UVRAG: variants seen among roughly 807,000 people sequenced by gnomAD.
UVRAG encodes UV radiation resistance-associated gene protein.
Under a neutral mutation model 78.0 loss-of-function variants are expected in UVRAG, and 19 were observed. The observed-to-expected ratio is 0.24, with a 90% CI of 0.17 to 0.36. UVRAG has a LOEUF of 0.36. Ranked by LOEUF, UVRAG falls within the 10% of genes least tolerant of loss-of-function variation. UVRAG has a pLI of 1.00. For synonymous variants in UVRAG, 323 were observed against 324.6 expected (o/e 1.00, Z 0.05); for missense variants, 740 against 853.8 (o/e 0.87, Z 1.66).
chr11:76,119,124 G>T (rs775832014), intron 14 of UVRAG, among the ~76,000 whole-genome samples: 3 of 152,018 alleles, frequency 2.0e-5, no homozygotes, highest in Admixed American at 1.3e-4. Flanking sequence ...GGTGCCTACC[G>T]AATTCTAAAC....
chr11:75,989,255 A>G (rs1949559244), intron 8 of UVRAG, among the ~76,000 whole-genome samples: 1 of 151,974 alleles, frequency 6.6e-6, no homozygotes, highest in South Asian at 2.1e-4. Context: ...TGGTTTCACC[A>G]TGTTGTCCAG....
At chr11:75,987,228 G>C (rs1411186134) in intron 8 of UVRAG, among the ~76,000 whole-genome samples, 1 of 152,092 alleles carries the variant, frequency 6.6e-6, no homozygotes. Flanking sequence ...CAATATATGA[G>C]GGTTCCAATC....
chr11:76,140,146 T>TCTCTCCCTCC (rs1554997784), intron 14 of UVRAG, among the ~76,000 whole-genome samples: 1 of 85,910 alleles, frequency 1.2e-5, no homozygotes, highest in Non-Finnish European at 2.1e-5. Context: ...TCTCTCTCTC[T>TCTCTCCCTCC]CTCCCTCCCT....
At chr11:75,816,115 A>G (rs1043484840) in intron 1 of UVRAG, among the ~76,000 whole-genome samples, 1 of 152,148 alleles carries the variant, frequency 6.6e-6, no homozygotes, top group Non-Finnish European at 1.5e-5. Context: ...AGTCCCAAGG[A>G]ACGCATCTTA....
intron 11 of UVRAG, among the ~76,000 whole-genome samples, chr11:76,014,607 C>G (rs1213536078): frequency 6.6e-6 from 1 of 152,184 alleles, no homozygotes; most frequent in East Asian, 1.9e-4. Flanking sequence ...CTCACAGTTA[C>G]AGCTGTGACT....
At chr11:76,043,566 G>T (rs1279049875) in intron 12 of UVRAG, among the ~76,000 whole-genome samples, 1 of 152,186 alleles carries the variant, frequency 6.6e-6, no homozygotes, top group African/African-American at 2.4e-5. Flanking sequence ...AAATTAGAGT[G>T]TCTCTAGTAG....
At chr11:75,851,795 T>C (rs574699677) in intron 1 of UVRAG, 88 bp from the exon 2 acceptor site, 11 of 977,642 alleles carry the variant, frequency 1.1e-5, no homozygotes, top group East Asian at 7.2e-5. Flanking sequence ...AGACAACTTA[T>C]TACATTTCAT....
intron 1 of UVRAG, among the ~76,000 whole-genome samples, chr11:75,846,011 T>A (rs1946025558): frequency 1.3e-5 from 2 of 152,258 alleles, no homozygotes; most frequent in South Asian, 4.1e-4. Flanking sequence ...TTACTCCGAA[T>A]GTTTTTACTT....
chr11:75,899,021 C>T (rs76486206), intron 5 of UVRAG, among the ~76,000 whole-genome samples: 3,164 of 152,118 alleles, frequency 0.021, 34 homozygotes, highest in Non-Finnish European at 0.032. Flanking sequence ...TATTTCTGCC[C>T]AGGTCTTTTA....
At chr11:75,861,858 T>C (rs556376206) in intron 3 of UVRAG, 78 bp downstream of exon 3, 174 of 1,254,522 alleles carry the variant, frequency 1.4e-4, no homozygotes, top group Non-Finnish European at 1.9e-4. Context: ...GTAAAATAAG[T>C]TGAGGTTCAG....
intron 12 of UVRAG, among the ~76,000 whole-genome samples, chr11:76,060,270 T>C (rs1008649526): frequency 4.6e-5 from 7 of 152,246 alleles, no homozygotes; most frequent in African/African-American, 1.7e-4. Context: ...TTTCTTTTTT[T>C]GGTACTTTAC....
At chr11:75,856,033 A>C (rs1253375207) in intron 2 of UVRAG, among the ~76,000 whole-genome samples, 2 of 152,176 alleles carry the variant, frequency 1.3e-5, no homozygotes, top group Non-Finnish European at 2.9e-5. Flanking sequence ...TCTGTCGCCC[A>C]GGCTGGAGTG....
intron 6 of UVRAG, among the ~76,000 whole-genome samples, chr11:75,928,150 C>T (rs1024516917): frequency 3.9e-5 from 6 of 152,042 alleles, no homozygotes; most frequent in African/African-American, 1.2e-4. Flanking sequence ...GACTGGGCTT[C>T]GGGGTCAACC....
intron 1 of UVRAG, among the ~76,000 whole-genome samples, chr11:75,845,669 A>C (rs1326241799): frequency 6.6e-6 from 1 of 152,170 alleles, no homozygotes; most frequent in Non-Finnish European, 1.5e-5. Flanking sequence ...CATGGACACA[A>C]AGAAGGGAAC....
Position 75,815,285 on chromosome 11 carries a change from G to C in UVRAG, c.-123G>C. On this transcript the variant is annotated 5_prime_UTR_variant, in exon 1 of 15. Transcript: ENST00000356136. ...AGCGGCGGCGGCTACTGTCTGGGCT[G>C]AGCAGTAGTGCCTCTCGGGTGGCGG... is the stretch of plus-strand genomic sequence containing the variant. 1 of 510,246 alleles carries C rather than the reference G, an allele frequency of 2.0e-6. No individual in the cohort carries two copies. Among genetic ancestry groups the C allele is most frequent in the Non-Finnish European group, 3.2e-6 (1 of 317,220 alleles). The allele number at this position is 510,246 out of a possible 1,614,324, so 31.6% of individuals were successfully genotyped here.
At chr11:75,876,695 G>GAAAA (rs71036069) in intron 3 of UVRAG, among the ~76,000 whole-genome samples, 2 of 146,176 alleles carry the variant, frequency 1.4e-5, no homozygotes, top group Admixed American at 6.8e-5. Context: ...CTTTGGTCAG[G>GAAAA]AAAAAAAAAA....
Position 76,074,268 on chromosome 11 carries a change from G to A in UVRAG, c.1305+8480G>A, listed in dbSNP as rs112445043. Among the ~76,000 whole-genome samples the A allele has an allele frequency of 2.1e-3, 320 of 152,226 alleles. 1 individual carries two copies. The highest frequency in any genetic ancestry group is 7.4e-3 in the African/African-American group (306 of 41,532). The stretch of plus-strand genomic sequence containing the variant: ...GAGAACCACTGTCTTAGAGAATGTG[G>A]CCATCCAGATTTTCTGTGAAACTCT... On this transcript the variant is annotated intron_variant, in intron 13 of 14. Transcript: ENST00000356136.
intron 13 of UVRAG, among the ~76,000 whole-genome samples, chr11:76,095,294 C>A (rs1951768175): frequency 6.6e-6 from 1 of 152,028 alleles, no homozygotes; most frequent in African/African-American, 2.4e-5. Flanking sequence ...TCTCAGATTG[C>A]CTCTCAACTT....
rs1014062689 is a variant in UVRAG, at chr11:76,143,485, C to T, written c.*2072C>T. Among the ~76,000 whole-genome samples the T allele has an allele frequency of 1.3e-4, 20 of 152,346 alleles. 1 individual carries two copies. The highest frequency in any genetic ancestry group is 9.8e-4 in the Admixed American group (15 of 15,304). ...TGATCCTGGGCTTGTGGCTTTTCAC[C>T]GCACGGCGGGGAGCCCTGCTCTTGA... On this transcript the variant is annotated 3_prime_UTR_variant, in exon 15 of 15. Coordinates refer to ENST00000356136, the MANE Select transcript of UVRAG (RefSeq NM_003369.4).
Sources: gnomAD v4.1 joint callset for allele counts (sites outside exome capture counted in the v4.1 genomes callset) on GRCh38, gnomAD v4.1.1 for gene constraint, MANE v1.5 for transcripts, NCBI Gene and HGNC (gene_info 2026-07-23, HGNC 2026-07-21) for gene names.